The following BTLA variants were observed in gnomAD, a reference collection of about 807,000 sequenced individuals.
BTLA encodes B- and T-lymphocyte attenuator.
BTLA carries 11 observed loss-of-function variants against 25.0 expected under a neutral mutation model. That is an observed-to-expected ratio of 0.44 (90% CI 0.28 to 0.73). The LOEUF (loss-of-function observed/expected upper bound fraction) is 0.73. Among genes scored for constraint, BTLA ranks in the 30% least tolerant of loss-of-function variants. BTLA has a pLI of 0.15. For synonymous variants in BTLA, 104 were observed against 119.8 expected, an observed-to-expected ratio of 0.87 and a Z score of 0.86; for missense variants, 282 against 332.8, an observed-to-expected ratio of 0.85 and a Z score of 1.19.
intron 1 of BTLA, among the ~76,000 whole-genome samples, chr3:112,492,300 A>C (rs1222750850): frequency 6.6e-6 from 1 of 152,234 alleles, no homozygotes; most frequent in African/African-American, 2.4e-5. Context: ...TGATTTAGAG[A>C]GACTTTGATT....
Position 112,464,343 on chromosome 3 carries a change from G to T in BTLA, c.*1765C>A. ...AATCATGAAGGAACTGTTCAATTTC[G>T]TGTGTTCATCTGATAAGAGGACAGC... is the stretch of plus-strand genomic sequence containing the variant. On this transcript the variant is annotated 3_prime_UTR_variant, in exon 5 of 5. Transcript: ENST00000334529. The T allele has an allele frequency of 2.6e-6, 1 of 387,634 alleles. No homozygotes were observed. The allele number at this position is 387,634 out of a possible 1,614,324, so 24.0% of individuals were successfully genotyped here. A position where few individuals can be genotyped will look rare whatever the true frequency, so the allele number is the denominator to read the frequency against.
intron 4 of BTLA, among the ~76,000 whole-genome samples, chr3:112,467,339 A>G (rs958740785): frequency 6.6e-6 from 1 of 152,210 alleles, no homozygotes; most frequent in African/African-American, 2.4e-5. Flanking sequence ...AACAAAAAGT[A>G]AAATTAGTCC....
chr3:112,469,331 G>A (rs1214568385), intron 4 of BTLA, among the ~76,000 whole-genome samples: 1 of 151,836 alleles, frequency 6.6e-6, no homozygotes, highest in Non-Finnish European at 1.5e-5. Context: ...CATTTTATGA[G>A]GTTATTTGTG....
chr3:112,466,539 G>T (rs759003481), intron 4 of BTLA, among the ~76,000 whole-genome samples, 156 bp from the exon 5 acceptor site: 4 of 152,164 alleles, frequency 2.6e-5, no homozygotes, highest in Admixed American at 6.5e-5. Flanking sequence ...TACACTTTCA[G>T]CTAAATTTCA....
chr3:112,490,107 C>T (rs1576690846), intron 1 of BTLA, among the ~76,000 whole-genome samples: 2 of 152,298 alleles, frequency 1.3e-5, no homozygotes, highest in East Asian at 3.9e-4. Flanking sequence ...AACTAGCTCA[C>T]ATACACTCAC....
At chr3:112,476,067 CAAAG>C (rs907194228) in intron 2 of BTLA, among the ~76,000 whole-genome samples, 6 of 152,134 alleles carry the variant, frequency 3.9e-5, no homozygotes, top group African/African-American at 1.4e-4. Context: ...AATTCATTTA[CAAAG>C]AAATATTTAG....
chr3:112,476,647 C>G (rs1011828249), intron 2 of BTLA, among the ~76,000 whole-genome samples: 2 of 152,164 alleles, frequency 1.3e-5, no homozygotes, highest in African/African-American at 4.8e-5. Flanking sequence ...TTAAAGGGCA[C>G]TCTTCTTTGA....
chr3:112,496,053 T>A (rs2082407542), intron 1 of BTLA, among the ~76,000 whole-genome samples: 1 of 152,218 alleles, frequency 6.6e-6, no homozygotes, highest in Non-Finnish European at 1.5e-5. Flanking sequence ...CAGTTCCAAC[T>A]GCCTTTATTC....
intron 1 of BTLA, among the ~76,000 whole-genome samples, chr3:112,480,957 T>C (rs558909248): frequency 1.1e-4 from 16 of 152,358 alleles, no homozygotes; most frequent in Admixed American, 1.0e-3. Flanking sequence ...CGATTCATTA[T>C]GAAGCAAATT....
intron 1 of BTLA, among the ~76,000 whole-genome samples, chr3:112,486,440 A>G (rs1180097175): frequency 1.3e-5 from 2 of 152,218 alleles, no homozygotes; most frequent in Non-Finnish European, 2.9e-5. Context: ...CTTCATGTAT[A>G]AAACCATACA....
At chr3:112,497,792 T>G (rs1323163311) in intron 1 of BTLA, among the ~76,000 whole-genome samples, 3 of 152,196 alleles carry the variant, frequency 2.0e-5, no homozygotes, top group Non-Finnish European at 2.9e-5. Flanking sequence ...TAGATAGACT[T>G]TCCATAGAAC....
chr3:112,484,365 G>A lies in BTLA; in HGVS notation c.89-4596C>T, dbSNP rs533915041. On this transcript the variant is annotated intron_variant, in intron 1 of 4. Transcript: ENST00000334529. Reference sequence around the variant, plus strand: ...AAAGGGCACGGAAATAGCTACAAATGAGACTATTCATTTGAACATGTCTGT... The same window carrying A: ...AAAGGGCACGGAAATAGCTACAAATAAGACTATTCATTTGAACATGTCTGT... Among the ~76,000 whole-genome samples, 441 of 152,338 alleles carry A rather than the reference G, an allele frequency of 2.9e-3. 4 individuals are homozygous for A. The highest frequency in any genetic ancestry group is 0.01 in the African/African-American group (425 of 41,564).
Position 112,479,759 on chromosome 3 carries a change from T to C in BTLA, c.99A>G (p.Ser33=), listed in dbSNP as rs2082307868. The C allele has an allele frequency of 1.3e-6, 2 of 1,588,922 alleles. No homozygotes were observed. Among genetic ancestry groups the C allele is most frequent in the South Asian group, 1.1e-5 (1 of 87,420 alleles). Residue 33 remains serine, a synonymous_variant, in exon 2 of 5, where the codon TCA becomes TCG. Coordinates refer to ENST00000334529, the MANE Select transcript of BTLA (RefSeq NM_181780.4). ...TCTTTATATAAAGCTGTACATCACA[T>C]GATTCTTTCCCTAAAAGATAAAAAC... is the stretch of plus-strand genomic sequence containing the variant. ...LDIWNIHGKE[S]CDVQLYIKRQ... is the part of the protein sequence containing the mutation.
intron 1 of BTLA, among the ~76,000 whole-genome samples, chr3:112,491,730 C>G (rs1019761006): frequency 6.6e-6 from 1 of 152,192 alleles, no homozygotes; most frequent in Non-Finnish European, 1.5e-5. Flanking sequence ...TTAGGGAAAT[C>G]ACACAGAAGT....
chr3:112,466,145 G>A lies in BTLA; in HGVS notation c.833C>T (p.Ala278Val). Residue 278 changes from alanine (A) to valine (V), a missense_variant, in exon 5 of 5, where the codon GCA (alanine) becomes GTA (valine). Physicochemically the swap from Ala to Val is moderately conservative, Grantham distance 64 (BLOSUM62 0). This residue lies in a region of BTLA where 119 missense variants were observed against 102.3 expected (regional missense o/e 1.16). Transcript: ENST00000334529. ...NSRLARNVKE[A>V]PTEYASICVR... ...ACATATGGATGCATATTCTGTTGGT[G>A]CTTCTTTTACATTTCTTGCCAGTCT... The A allele has an allele frequency of 1.2e-6, 2 of 1,608,710 alleles. No individual in the cohort carries two copies. Among genetic ancestry groups the A allele is most frequent in the Non-Finnish European group, 1.7e-6 (2 of 1,175,720 alleles).
chr3:112,493,372 A>G (rs1488038408), intron 1 of BTLA, among the ~76,000 whole-genome samples: 2 of 152,226 alleles, frequency 1.3e-5, no homozygotes, highest in African/African-American at 2.4e-5. Context: ...CAACCTACAG[A>G]ATGGGAGAAA....
At chr3:112,482,936 C>CT (rs994431811) in intron 1 of BTLA, among the ~76,000 whole-genome samples, 5 of 152,134 alleles carry the variant, frequency 3.3e-5, no homozygotes, top group Non-Finnish European at 5.9e-5. Context: ...GTCCGTTCCT[C>CT]TCCCTGAAGT....
intron 1 of BTLA, among the ~76,000 whole-genome samples, chr3:112,483,290 A>G (rs2082327840): frequency 6.6e-6 from 1 of 151,582 alleles, no homozygotes; most frequent in East Asian, 1.9e-4. Context: ...CTGGGATTAC[A>G]GGCGCCCACC....
At chr3:112,466,437 T>C in intron 4 of BTLA, 54 bp from the exon 5 acceptor site, 1 of 1,457,536 alleles carries the variant, frequency 6.9e-7, no homozygotes, top group Non-Finnish European at 9.1e-7. Flanking sequence ...TGGTAGTGCA[T>C]ATTCATTAGC....
Sources: gnomAD v4.1 joint callset for allele counts (sites outside exome capture counted in the v4.1 genomes callset) on GRCh38, gnomAD v4.1.1 for gene constraint, gnomAD v4.1.1 regional missense constraint, MANE v1.5 for transcripts, NCBI Gene and HGNC (gene_info 2026-07-23, HGNC 2026-07-21) for gene names.